Variants in GPC5 observed in about 807,000 individuals in gnomAD.
GPC5 encodes glypican-5.
GPC5 carries 47 observed loss-of-function variants against 53.9 expected under a neutral mutation model. The observed-to-expected ratio is 0.87, with a 90% CI of 0.69 to 1.11. GPC5 has a LOEUF of 1.11. Ranked by LOEUF, GPC5 falls within the 50% of genes most tolerant of loss-of-function variation. The pLI, the probability that GPC5 is intolerant of heterozygous loss-of-function variation, is 0.00. For synonymous variants in GPC5, 286 were observed against 263.3 expected, an observed-to-expected ratio of 1.09 and a Z score of -0.84; for missense variants, 748 against 713.1, an observed-to-expected ratio of 1.05 and a Z score of -0.56.
In GPC5 at chr13:92,453,441, T is replaced by G. The variant is rs545871061; in HGVS notation, c.1561+308452T>G. Among the ~76,000 whole-genome samples the G allele has an allele frequency of 7.9e-5, 12 of 152,212 alleles. No homozygotes were observed. In the South Asian group the frequency reaches 2.5e-3, roughly 32 times the overall value. On this transcript the variant is annotated intron_variant, in intron 7 of 7. Coordinates refer to ENST00000377067, the MANE Select transcript of GPC5 (RefSeq NM_004466.6). Reference sequence around the variant, plus strand: ...GAAAACAAGCAAAGGAAGAGCGGGATTCACCAGGAAGCTCTGGTACACTGA... The same window carrying G: ...GAAAACAAGCAAAGGAAGAGCGGGAGTCACCAGGAAGCTCTGGTACACTGA...
chr13:92,770,949 G>A (rs927167040), intron 7 of GPC5, among the ~76,000 whole-genome samples: 1 of 152,110 alleles, frequency 6.6e-6, no homozygotes, highest in African/African-American at 2.4e-5. Context: ...TATGGTAGAA[G>A]TGGTAGTTCT....
chr13:92,708,340 A>C (rs1888017978), intron 7 of GPC5, among the ~76,000 whole-genome samples: 1 of 152,162 alleles, frequency 6.6e-6, no homozygotes, highest in African/African-American at 2.4e-5. Context: ...AAAGGTTCCA[A>C]TGATGATCAG....
intron 6 of GPC5, among the ~76,000 whole-genome samples, chr13:92,119,765 T>A (rs1368369525): frequency 6.6e-6 from 1 of 151,982 alleles, no homozygotes; most frequent in Non-Finnish European, 1.5e-5. Context: ...GGAAAAATAA[T>A]GCCTCCTTTG....
At position 91,756,379 on chromosome 13, in the gene GPC5, A is replaced by C; in HGVS notation, c.1239A>C (p.Ala413=). The C allele has an allele frequency of 6.3e-7, 1 of 1,595,240 alleles. No individual in the cohort carries two copies. The highest frequency in any genetic ancestry group is 8.6e-7 in the Non-Finnish European group (1 of 1,166,290). Residue 413 remains alanine, a synonymous_variant, in exon 5 of 8, where the codon GCA becomes GCC. Coordinates refer to ENST00000377067, the MANE Select transcript of GPC5 (RefSeq NM_004466.6). ...TTTGTGCTAATGAATTAGCTGCTGC[A>C]GATGGACTTCCCTGCTGGAATGGAG... ...DQLCANELAA[A]DGLPCWNGED...
chr13:91,672,973 A>G (rs2035285080), intron 2 of GPC5, among the ~76,000 whole-genome samples: 1 of 152,302 alleles, frequency 6.6e-6, no homozygotes, highest in South Asian at 2.1e-4. Context: ...TCAGCAAACT[A>G]ACACAGGAAC....
At chr13:92,583,801 C>A (rs1186717275) in intron 7 of GPC5, among the ~76,000 whole-genome samples, 1 of 152,134 alleles carries the variant, frequency 6.6e-6, no homozygotes, top group Admixed American at 6.5e-5. Context: ...GTGGGAGGGA[C>A]CTCGTGGCAG....
At chr13:92,169,566 A>G (rs183468901) in intron 7 of GPC5, among the ~76,000 whole-genome samples, 18 of 152,314 alleles carry the variant, frequency 1.2e-4, no homozygotes, top group Non-Finnish European at 1.5e-5. Flanking sequence ...CTTGGATACT[A>G]CAAATCTTTA....
chr13:92,433,351 G>A (rs1479641652), intron 7 of GPC5, among the ~76,000 whole-genome samples: 1 of 152,130 alleles, frequency 6.6e-6, no homozygotes, highest in East Asian at 1.9e-4. Context: ...TTATGAATTA[G>A]GAAGTAAAGT....
At chr13:92,011,877 T>C (rs1392401245) in intron 6 of GPC5, among the ~76,000 whole-genome samples, 3 of 152,240 alleles carry the variant, frequency 2.0e-5, no homozygotes, top group African/African-American at 7.2e-5. Context: ...TTAATTGCTG[T>C]AATGTTCACA....
intron 7 of GPC5, among the ~76,000 whole-genome samples, chr13:92,743,152 T>C (rs1403266802): frequency 1.3e-5 from 2 of 152,076 alleles, no homozygotes; most frequent in Non-Finnish European, 2.9e-5. Context: ...AGGGATGGCA[T>C]TGAATCTCTA....
intron 7 of GPC5, among the ~76,000 whole-genome samples, chr13:92,394,189 A>G (rs1875151921): frequency 6.6e-6 from 1 of 152,214 alleles, no homozygotes; most frequent in Admixed American, 6.5e-5. Flanking sequence ...CTAAGGGTGT[A>G]TAGTATATTA....
At chr13:92,577,101 T>G (rs1462230712) in intron 7 of GPC5, among the ~76,000 whole-genome samples, 1 of 152,228 alleles carries the variant, frequency 6.6e-6, no homozygotes, top group East Asian at 1.9e-4. Context: ...AAAGTTCACC[T>G]ACCTTTAGTC....
At chr13:92,140,438 A>G (rs1053744499) in intron 6 of GPC5, among the ~76,000 whole-genome samples, 9 of 152,236 alleles carry the variant, frequency 5.9e-5, no homozygotes, top group African/African-American at 2.2e-4. Context: ...TTTCTTAGGT[A>G]CATTTAGAAA....
At chr13:91,926,701 T>G (rs2039772591) in intron 6 of GPC5, among the ~76,000 whole-genome samples, 1 of 152,204 alleles carries the variant, frequency 6.6e-6, no homozygotes. Context: ...AGTGGGGAAT[T>G]ATATCTGTCC....
chr13:92,830,040 G>T (rs1421655689), intron 7 of GPC5, among the ~76,000 whole-genome samples: 1 of 152,084 alleles, frequency 6.6e-6, no homozygotes, highest in Non-Finnish European at 1.5e-5. Flanking sequence ...TCAAAAACAA[G>T]TCAAGAAAAT....
In GPC5 at chr13:92,717,011, G is replaced by T. The variant is rs1888353278; in HGVS notation, c.1562-149271G>T. On this transcript the variant is annotated intron_variant, in intron 7 of 7. Coordinates refer to ENST00000377067, the MANE Select transcript of GPC5 (RefSeq NM_004466.6). ...TTATGTGACTTTCCCGAAGTGGCAG[G>T]CACAATAAACAGAGAGGCTAAGAGT... Among the ~76,000 whole-genome samples the T allele has an allele frequency of 2.6e-5, 4 of 151,936 alleles. No homozygotes were observed. The South Asian group carries it at 8.3e-4, about 32-fold the overall frequency.
intron 2 of GPC5, among the ~76,000 whole-genome samples, chr13:91,621,761 T>TTATATATATATA (rs1555331079): frequency 4.3e-5 from 2 of 46,876 alleles, no homozygotes; most frequent in African/African-American, 1.1e-4. Context: ...GGACAGAACA[T>TTATATATATATA]TATATATATA....
intron 5 of GPC5, among the ~76,000 whole-genome samples, chr13:91,849,789 A>T (rs530527113): frequency 5.1e-4 from 78 of 152,326 alleles, no homozygotes; most frequent in Non-Finnish European, 8.5e-4. Context: ...ATTATGATGC[A>T]TGTATCAGAA....
At chr13:92,642,605 T>C (rs1213187839) in intron 7 of GPC5, among the ~76,000 whole-genome samples, 1 of 152,236 alleles carries the variant, frequency 6.6e-6, no homozygotes, top group Non-Finnish European at 1.5e-5. Flanking sequence ...TGTAGGCCAC[T>C]ACATCTGGGC....
Sources: allele counts gnomAD v4.1 joint callset (sites outside exome capture counted in the v4.1 genomes callset), GRCh38; gene constraint gnomAD v4.1.1; transcripts MANE v1.5; gene names NCBI Gene and HGNC (gene_info 2026-07-23, HGNC 2026-07-21).